DENND1A: variants seen among roughly 807,000 people sequenced by gnomAD.
DENND1A encodes DENN domain containing 1A.
A neutral mutation model predicts 113.7 loss-of-function variants in DENND1A; 51 were observed. The observed-to-expected ratio is 0.45, with a 90% confidence interval of 0.36 to 0.57. The LOEUF is 0.57. Among genes scored for constraint, DENND1A ranks in the 20% least tolerant of loss-of-function variants. The pLI is 0.00. For synonymous variants in DENND1A, 565 were observed against 570.8 expected, an observed-to-expected ratio of 0.99 and a Z score of 0.14; for missense variants, 1,258 against 1,395.9, an observed-to-expected ratio of 0.90 and a Z score of 1.57.
At chr9:123,491,337 T>C (rs1337443426) in intron 13 of DENND1A, among the ~76,000 whole-genome samples, 1 of 152,142 alleles carries the variant, frequency 6.6e-6, no homozygotes, top group Admixed American at 6.5e-5. Flanking sequence ...TGAAGGAAAA[T>C]GACTGGCTGC....
At chr9:123,385,097 T>C (rs2042488715) in intron 22 of DENND1A, among the ~76,000 whole-genome samples, 1 of 152,224 alleles carries the variant, frequency 6.6e-6, no homozygotes, top group Non-Finnish European at 1.5e-5. Flanking sequence ...ACTGGGTAGA[T>C]GGAGAGGCAG....
At position 123,382,638 on chromosome 9, in the gene DENND1A, A is replaced by G. The variant is rs745395923; in HGVS notation, c.2020-13T>C. ...CCAGATCCAGCCTCTGTTGGGAGGGAAGGAGGGCGGCAGTGACCACGGGCT... is the reference window on the plus strand; with the variant it reads ...CCAGATCCAGCCTCTGTTGGGAGGGGAGGAGGGCGGCAGTGACCACGGGCT... On this transcript the variant is annotated splice_polypyrimidine_tract_variant and intron_variant, in intron 23 of 23. Transcript: ENST00000394215. The G allele has an allele frequency of 2.5e-6, 4 of 1,613,360 alleles. No individual in the cohort carries two copies. In the African/African-American group the frequency reaches 5.3e-5, roughly 22 times the overall value.
Position 123,879,020 on chromosome 9 carries a change from GC to G in DENND1A, c.18del (p.Lys6AsnfsTer45). On this transcript the variant is annotated frameshift_variant and splice_region_variant, in exon 2 of 24. Coordinates refer to ENST00000394215, the MANE Select transcript of DENND1A (RefSeq NM_001352964.2). LOFTEE classifies it high-confidence loss of function. ...ACTTCAAATGTGGTCTCTGGATTCT[GC>G]CTACAAAAGAAACAGATCATGATTA... is the stretch of plus-strand genomic sequence containing the variant. MGSRIKQNPETTFEVY... is the reference protein window; with the variant it reads MGSRIXQNPETTFEVY... 6.2e-7 allele frequency: 1 copy of G among 1,613,696 alleles called. No individual in the cohort carries two copies. Among genetic ancestry groups the G allele is most frequent in the Non-Finnish European group, 8.5e-7 (1 of 1,179,826 alleles).
chr9:123,709,871 G>T (rs2066469075), intron 5 of DENND1A, among the ~76,000 whole-genome samples: 1 of 152,164 alleles, frequency 6.6e-6, no homozygotes, highest in Admixed American at 6.5e-5. Flanking sequence ...GGGAAGAGGG[G>T]TATTGGAAAG....
Position 123,454,633 on chromosome 9 carries a change from G to A in DENND1A, c.1227+106C>T, listed in dbSNP as rs956266382. On this transcript the variant is annotated intron_variant, in intron 16 of 23. Coordinates refer to ENST00000394215, the MANE Select transcript of DENND1A (RefSeq NM_001352964.2). ...TTTACAAACAAAGGCATCTCCAGCA[G>A]AGAGAATGGAGTGCTCCAGGATGGA... 5 of 1,147,222 alleles carry A rather than the reference G, an allele frequency of 4.4e-6. No individual in the cohort carries two copies. In the African/African-American group the frequency reaches 7.7e-5, roughly 18 times the overall value. 71.1% of individuals were successfully genotyped at this position (1,147,222 alleles called of 1,614,324 possible).
At chr9:123,699,147 A>G (rs1352671371) in intron 5 of DENND1A, among the ~76,000 whole-genome samples, 1 of 152,140 alleles carries the variant, frequency 6.6e-6, no homozygotes, top group Non-Finnish European at 1.5e-5. Flanking sequence ...AAACCTGCTT[A>G]GCATAGTTTC....
At chr9:123,825,621 G>A (rs983410045) in intron 2 of DENND1A, among the ~76,000 whole-genome samples, 4 of 152,346 alleles carry the variant, frequency 2.6e-5, no homozygotes, top group Admixed American at 2.6e-4. Context: ...ACCGTAAGAT[G>A]CATCACGATT....
At chr9:123,727,426 G>A (rs1332179898) in intron 5 of DENND1A, among the ~76,000 whole-genome samples, 1 of 152,108 alleles carries the variant, frequency 6.6e-6, no homozygotes, top group African/African-American at 2.4e-5. Context: ...AAAGAAACAT[G>A]GATTCTGTCT....
At chr9:123,924,576 A>G (rs1411622141) in intron 1 of DENND1A, among the ~76,000 whole-genome samples, 2 of 151,774 alleles carry the variant, frequency 1.3e-5, no homozygotes, top group Non-Finnish European at 2.9e-5. Flanking sequence ...ACCTGAACCC[A>G]GGAGGCGGAG....
chr9:123,526,031 C>T (rs1327963705), intron 13 of DENND1A, among the ~76,000 whole-genome samples: 4 of 152,120 alleles, frequency 2.6e-5, no homozygotes, highest in Non-Finnish European at 5.9e-5. Flanking sequence ...GCTGGGATTA[C>T]AGGTGTGAGC....
chr9:123,801,900 C>A (rs541524912), intron 2 of DENND1A, among the ~76,000 whole-genome samples: 2 of 152,182 alleles, frequency 1.3e-5, no homozygotes, highest in African/African-American at 2.4e-5. Context: ...CTATCCAAAT[C>A]TTTCAAAAGA....
chr9:123,820,796 G>C (rs903467465), intron 2 of DENND1A, among the ~76,000 whole-genome samples: 1 of 152,084 alleles, frequency 6.6e-6, no homozygotes, highest in African/African-American at 2.4e-5. Context: ...AATAGCAATT[G>C]TTCATATCAC....
Position 123,442,350 on chromosome 9 carries a change from C to T in DENND1A, c.1357-1859G>A, listed in dbSNP as rs139035713. Among the ~76,000 whole-genome samples the T allele has an allele frequency of 1.1e-3, 164 of 152,212 alleles. 1 individual carries two copies. Among genetic ancestry groups the T allele is most frequent in the African/African-American group, 3.8e-3 (159 of 41,524 alleles). On this transcript the variant is annotated intron_variant, in intron 18 of 23. Transcript: ENST00000394215. ...GGCTGAGGCTCAGTGATGAAAGAGG[C>T]TGTCGATGGCCAAACAGAAACAGCT...
At position 123,507,110 on chromosome 9, in the gene DENND1A, A is replaced by G. The variant is rs539724583; in HGVS notation, c.994-49213T>C. ...AGGCTGAGGCACGAGAATAGCTTGAACCTGGGAGATGGGGGTTGCAGTGAG... is the reference window on the plus strand; with the variant it reads ...AGGCTGAGGCACGAGAATAGCTTGAGCCTGGGAGATGGGGGTTGCAGTGAG... On this transcript the variant is annotated intron_variant, in intron 13 of 23. Coordinates refer to ENST00000394215, the MANE Select transcript of DENND1A (RefSeq NM_001352964.2). Among the ~76,000 whole-genome samples the G allele has an allele frequency of 7.9e-5, 12 of 152,298 alleles. No individual in the cohort carries two copies. In the South Asian group the frequency reaches 2.3e-3, roughly 29 times the overall value.
intron 4 of DENND1A, among the ~76,000 whole-genome samples, chr9:123,762,720 ATAG>A (rs1255058301): frequency 6.6e-6 from 1 of 152,262 alleles, no homozygotes; most frequent in Non-Finnish European, 1.5e-5. Context: ...ACAGCTTGTA[ATAG>A]TGGTATTACA....
At chr9:123,569,022 C>T (rs569476352) in intron 12 of DENND1A, among the ~76,000 whole-genome samples, 70 of 152,294 alleles carry the variant, frequency 4.6e-4, no homozygotes, top group African/African-American at 1.6e-3. Context: ...TAGAGGAGCA[C>T]ACTTCATTAT....
At chr9:123,828,739 G>A (rs1166256537) in intron 2 of DENND1A, among the ~76,000 whole-genome samples, 1 of 151,478 alleles carries the variant, frequency 6.6e-6, no homozygotes. Context: ...ACAATGAGAT[G>A]ATATTTTAAA....
intron 5 of DENND1A, among the ~76,000 whole-genome samples, chr9:123,722,564 C>T (rs1369558384): frequency 6.6e-6 from 1 of 152,194 alleles, no homozygotes; most frequent in Non-Finnish European, 1.5e-5. Flanking sequence ...CTGGGTCCCT[C>T]TACTGGGTGC....
At chr9:123,469,192 C>T (rs1414195451) in intron 13 of DENND1A, among the ~76,000 whole-genome samples, 1 of 152,208 alleles carries the variant, frequency 6.6e-6, no homozygotes, top group African/African-American at 2.4e-5. Flanking sequence ...TGCACGGTGG[C>T]CGAGGCATGT....
Sources: allele counts gnomAD v4.1 joint callset (sites outside exome capture counted in the v4.1 genomes callset), GRCh38; gene constraint gnomAD v4.1.1; transcripts MANE v1.5; gene names NCBI Gene and HGNC (gene_info 2026-07-23, HGNC 2026-07-21).